MYO1E: variants seen among roughly 807,000 people sequenced by gnomAD.
MYO1E encodes unconventional myosin-Ie.
In MYO1E, 68 loss-of-function variants were observed where a neutral mutation model predicts 151.1. The ratio of observed to expected loss-of-function variants is 0.45; its 90% CI spans 0.37 to 0.55. The LOEUF is 0.55. Ranked by LOEUF, MYO1E falls within the 20% of genes least tolerant of loss-of-function variation. The pLI, the probability that MYO1E is intolerant of heterozygous loss-of-function variation, is 0.00. For synonymous variants in MYO1E, 601 were observed against 501.7 expected (o/e 1.20, Z -2.64); for missense variants, 1,363 against 1,389.3 (o/e 0.98, Z 0.30).
Position 59,195,473 on chromosome 15 carries a change from C to T in MYO1E, c.1793G>A (p.Trp598Ter). 3 of 1,613,600 alleles carry T rather than the reference C, an allele frequency of 1.9e-6. No individual in the cohort carries two copies. The highest frequency in any genetic ancestry group is 2.5e-6 in the Non-Finnish European group (3 of 1,179,520). ...KPNETKKPRD[W>*]EESRVKHQVE... ...TTTCCCCCGATACCTGCTTTCCTCC[C>T]AGTCTCTGGGCTTCTTGGTTTCGTT... Residue 598 changes from tryptophan to a stop codon, truncating the protein, a stop_gained, in exon 17 of 28, where the codon TGG (tryptophan) becomes TAG (stop). Coordinates refer to ENST00000288235, the MANE Select transcript of MYO1E (RefSeq NM_004998.4). LOFTEE classifies it high-confidence loss of function.
At chr15:59,188,583 C>G (rs2079713535) in intron 17 of MYO1E, among the ~76,000 whole-genome samples, 2 of 152,192 alleles carry the variant, frequency 1.3e-5, no homozygotes, top group South Asian at 4.2e-4. Context: ...GTAGTCCCAG[C>G]TACTCGGGAG....
intron 1 of MYO1E, among the ~76,000 whole-genome samples, chr15:59,339,853 GT>G (rs11300848): frequency 0.61 from 81,975 of 133,332 alleles, 24,858 homozygotes; most frequent in African/African-American, 0.65. Context: ...ACTTTTTTTT[GT>G]TTTTTTTTTT....
rs563572522 is a variant in MYO1E at position 59,149,773 on chromosome 15, A to G, written c.3080+3817T>C. Among the ~76,000 whole-genome samples the G allele has an allele frequency of 2.0e-5, 3 of 152,350 alleles. No homozygotes were observed. The East Asian group carries it at 5.8e-4, about 29-fold the overall frequency. On this transcript the variant is annotated intron_variant, in intron 26 of 27. Coordinates refer to ENST00000288235, the MANE Select transcript of MYO1E (RefSeq NM_004998.4). ...GAAGGAAAGATAAACTCAGAATGTG[A>G]AAGCCAGGAAAGAAAGACCATAGTA... is the stretch of plus-strand genomic sequence containing the variant.
At chr15:59,223,664 C>T (rs2079970154) in intron 8 of MYO1E, among the ~76,000 whole-genome samples, 1 of 152,224 alleles carries the variant, frequency 6.6e-6, no homozygotes, top group South Asian at 2.1e-4. Context: ...TCTTTCCCTT[C>T]ATCAGGAGGG....
intron 1 of MYO1E, among the ~76,000 whole-genome samples, chr15:59,274,052 T>C (rs2080304085): frequency 8.2e-6 from 1 of 121,266 alleles, no homozygotes; most frequent in Non-Finnish European, 2.0e-5. Context: ...ATTTATTAAA[T>C]GGTTTACTTT....
At chr15:59,272,805 G>A (rs558781318) in intron 1 of MYO1E, among the ~76,000 whole-genome samples, 4 of 152,280 alleles carry the variant, frequency 2.6e-5, no homozygotes, top group South Asian at 2.1e-4. Flanking sequence ...CACAACACAC[G>A]GTTGACAGTC....
Position 59,261,426 on chromosome 15 carries a change from T to C in MYO1E, c.231A>G (p.Gln77=). ...TATGTGACACGTAACTTACCGCTCC[T>C]TGGTACATTTCAATTTCCTTTTCCC... is the stretch of plus-strand genomic sequence containing the variant. The part of the protein sequence containing the change: ...YFGEKEIEMY[Q]GAAQYENPPH... Residue 77 remains glutamine, a synonymous_variant, in exon 3 of 28, where the codon CAA becomes CAG. Coordinates refer to ENST00000288235, the MANE Select transcript of MYO1E (RefSeq NM_004998.4). 1 of 1,605,498 alleles carries C rather than the reference T, an allele frequency of 6.2e-7. No individual in the cohort carries two copies. Among genetic ancestry groups the C allele is most frequent in the South Asian group, 1.1e-5 (1 of 90,896 alleles).
chr15:59,340,883 G>A (rs1319150008), intron 1 of MYO1E, among the ~76,000 whole-genome samples: 2 of 151,500 alleles, frequency 1.3e-5, no homozygotes, highest in East Asian at 1.9e-4. Flanking sequence ...TCAGCTGGGC[G>A]TGGTGGCACA....
At chr15:59,177,791 G>A in intron 19 of MYO1E, among the ~76,000 whole-genome samples, 1 of 152,322 alleles carries the variant, frequency 6.6e-6, no homozygotes, top group Admixed American at 6.5e-5. Flanking sequence ...TGCCTTACTG[G>A]TAAGTACTGT....
chr15:59,331,120 T>G (rs2080695566), intron 1 of MYO1E, among the ~76,000 whole-genome samples: 1 of 152,214 alleles, frequency 6.6e-6, no homozygotes, highest in Non-Finnish European at 1.5e-5. Flanking sequence ...CGTGATTTCA[T>G]GCTACAATGG....
chr15:59,242,800 A>T (rs747876193), intron 4 of MYO1E, among the ~76,000 whole-genome samples: 4 of 152,242 alleles, frequency 2.6e-5, no homozygotes, highest in Admixed American at 6.5e-5. Flanking sequence ...AGAGCCCTGC[A>T]TTGTTTCTAT....
chr15:59,210,116 C>T (rs2079869809), intron 13 of MYO1E, among the ~76,000 whole-genome samples: 1 of 152,066 alleles, frequency 6.6e-6, no homozygotes, highest in African/African-American at 2.4e-5. Context: ...GATCCACCTG[C>T]CTCAGCCTCC....
intron 4 of MYO1E, among the ~76,000 whole-genome samples, chr15:59,244,654 G>T (rs943551423): frequency 3.9e-5 from 6 of 152,122 alleles, no homozygotes; most frequent in African/African-American, 1.4e-4. Context: ...CTGCTGTATC[G>T]GAGGCGGGCA....
intron 25 of MYO1E, among the ~76,000 whole-genome samples, chr15:59,155,285 C>T (rs549184626): frequency 1.3e-5 from 2 of 152,166 alleles, no homozygotes; most frequent in Non-Finnish European, 2.9e-5. Flanking sequence ...CTATTTCATG[C>T]CTGTTGCATC....
At chr15:59,156,517 T>C (rs1220818415) in intron 25 of MYO1E, among the ~76,000 whole-genome samples, 1 of 152,156 alleles carries the variant, frequency 6.6e-6, no homozygotes, top group Non-Finnish European at 1.5e-5. Flanking sequence ...TTTGTAGAGA[T>C]GGGGTTTTGC....
intron 16 of MYO1E, among the ~76,000 whole-genome samples, chr15:59,199,127 G>A (rs541910282): frequency 5.3e-5 from 8 of 152,180 alleles, no homozygotes; most frequent in African/African-American, 1.7e-4. Flanking sequence ...ATGGAGTCTC[G>A]CTCTGTCGCC....
At chr15:59,253,768 G>A (rs1175809723) in intron 4 of MYO1E, among the ~76,000 whole-genome samples, 2 of 151,898 alleles carry the variant, frequency 1.3e-5, no homozygotes, top group Admixed American at 1.3e-4. Flanking sequence ...CACCACTCCC[G>A]GCGTCTAATG....
At chr15:59,300,868 T>TC in intron 1 of MYO1E, among the ~76,000 whole-genome samples, 2 of 97,266 alleles carry the variant, frequency 2.1e-5, no homozygotes, top group African/African-American at 1.7e-4. Context: ...TTTTTTTTCT[T>TC]TTTTTTTTTT....
chr15:59,159,389 G>T lies in MYO1E; in HGVS notation c.2786-1010C>A, dbSNP rs1296908032. On this transcript the variant is annotated intron_variant, in intron 24 of 27. Transcript: ENST00000288235. The surrounding 1 kb of genome is among the most constrained non-coding windows in gnomAD (Gnocchi z 4.4). Reference sequence around the variant, plus strand: ...TTCTTTGCCCGGCTCTGTGCCCTGGGGTCTGAGTCCTGTGGACAGCCAGGC... The same window carrying T: ...TTCTTTGCCCGGCTCTGTGCCCTGGTGTCTGAGTCCTGTGGACAGCCAGGC... Among the ~76,000 whole-genome samples, 2 of 152,242 alleles carry T rather than the reference G, an allele frequency of 1.3e-5. No individual in the cohort carries two copies. Among genetic ancestry groups the T allele is most frequent in the African/African-American group, 4.8e-5 (2 of 41,458 alleles).
Sources: gnomAD v4.1 joint callset for allele counts (sites outside exome capture counted in the v4.1 genomes callset) on GRCh38, gnomAD v4.1.1 for gene constraint, Gnocchi (gnomAD v3.1) non-coding constraint, MANE v1.5 for transcripts, NCBI Gene and HGNC (gene_info 2026-07-23, HGNC 2026-07-21) for gene names.